Variants in ATAD1 observed in about 807,000 individuals in gnomAD.
ATAD1 encodes outer mitochondrial transmembrane helix translocase.
A neutral mutation model predicts 42.7 loss-of-function variants in ATAD1; 18 were observed. That is an observed-to-expected ratio of 0.42 (90% CI 0.29 to 0.63). The LOEUF is 0.63. Among genes scored for constraint, ATAD1 ranks in the 20% least tolerant of loss-of-function variants. The probability of loss-of-function intolerance (pLI) is 0.19; values close to 1 mark genes in which losing one functional copy is unlikely to be tolerated. For missense variants in ATAD1, 294 were observed against 440.4 expected, an observed-to-expected ratio of 0.67 and a Z score of 2.98; for synonymous variants, 132 against 143.1, an observed-to-expected ratio of 0.92 and a Z score of 0.55.
intron 2 of ATAD1, among the ~76,000 whole-genome samples, chr10:87,806,322 A>G (rs1164307880): frequency 6.6e-6 from 1 of 152,014 alleles, no homozygotes; most frequent in South Asian, 2.1e-4. Context: ...ATAACTAGGT[A>G]GATAAAATAA....
chr10:87,757,577 A>G (rs1467541807), intron 8 of ATAD1, among the ~76,000 whole-genome samples: 1 of 152,200 alleles, frequency 6.6e-6, no homozygotes, highest in Admixed American at 6.5e-5. Flanking sequence ...TAATCTTCTC[A>G]GAAACTATCA....
At chr10:87,816,864 G>A (rs568408137) in intron 1 of ATAD1, among the ~76,000 whole-genome samples, 1 of 152,288 alleles carries the variant, frequency 6.6e-6, no homozygotes, top group African/African-American at 2.4e-5. Context: ...TGGCATTCCA[G>A]TAAAACGTTT....
At chr10:87,819,865 G>A (rs1482043187), upstream of ATAD1, among the ~76,000 whole-genome samples, 1 of 152,148 alleles carries the variant, frequency 6.6e-6, no homozygotes, top group Admixed American at 6.5e-5. Flanking sequence ...GGATGAAAGG[G>A]ATGCATGAAT....
intron 2 of ATAD1, among the ~76,000 whole-genome samples, chr10:87,812,247 A>G (rs978842321): frequency 1.1e-4 from 16 of 152,294 alleles, no homozygotes; most frequent in East Asian, 9.6e-4. Context: ...TTAAGCCTAC[A>G]GAAGTCTTCA....
chr10:87,778,565 A>G (rs1405596394), intron 5 of ATAD1, among the ~76,000 whole-genome samples: 1 of 152,182 alleles, frequency 6.6e-6, no homozygotes, highest in African/African-American at 2.4e-5. Flanking sequence ...TATTTTACAT[A>G]ATTTTGTGCA....
At chr10:87,805,194 T>G (rs1856867830) in intron 2 of ATAD1, among the ~76,000 whole-genome samples, 1 of 152,192 alleles carries the variant, frequency 6.6e-6, no homozygotes, top group East Asian at 1.9e-4. Flanking sequence ...CACACCTTCC[T>G]CCTCCCACAT....
chr10:87,829,971 C>G (rs1857799385), intron 1 of ATAD1, among the ~76,000 whole-genome samples: 1 of 152,148 alleles, frequency 6.6e-6, no homozygotes, highest in South Asian at 2.1e-4. Flanking sequence ...AAAATGCTAT[C>G]AAACAGCATC....
intron 9 of ATAD1, 113 bp from the exon 10 acceptor site, chr10:87,754,920 C>CA: frequency 7.7e-7 from 1 of 1,302,710 alleles, no homozygotes; most frequent in African/African-American, 1.5e-5. Flanking sequence ...ATTTTGTTTT[C>CA]AACTGTAGAA....
At chr10:87,774,150 T>C (rs746438936) in intron 6 of ATAD1, among the ~76,000 whole-genome samples, 1 of 152,204 alleles carries the variant, frequency 6.6e-6, no homozygotes, top group Non-Finnish European at 1.5e-5. Flanking sequence ...CTTATGCTAA[T>C]GCGGTGGGCT....
rs117052490 is a variant in ATAD1 at position 87,786,924 on chromosome 10, C to T, written c.383-2254G>A. On this transcript the variant is annotated intron_variant, in intron 4 of 9. Transcript: ENST00000680024. ...GAGCCGAGATTGCGCCATTGCACTC[C>T]AGGGTGGGCAACAGGGCGAGACTCC... Among the ~76,000 whole-genome samples the T allele has an allele frequency of 3.3e-3, 493 of 151,462 alleles. 23 individuals are homozygous for T. In the East Asian group the frequency reaches 0.081, roughly 25 times the overall value.
In ATAD1 at chr10:87,790,289, G is replaced by A. The variant is rs3736057; in HGVS notation, c.382+21C>T. ...TTTCTAGGATTTTAATGCTTTAGGCGAATATATACCTTTACCATACCTTTT... is the reference window on the plus strand; with the variant it reads ...TTTCTAGGATTTTAATGCTTTAGGCAAATATATACCTTTACCATACCTTTT... On this transcript the variant is annotated intron_variant, in intron 4 of 9. Transcript: ENST00000680024. 8.1e-6 allele frequency: 13 copies of A among 1,598,264 alleles called. No individual in the cohort carries two copies. In the East Asian group the frequency reaches 1.1e-4, roughly 14 times the overall value.
intron 8 of ATAD1, chr10:87,759,658 T>G (rs1292823700): frequency 7.9e-6 from 3 of 379,934 alleles, no homozygotes; most frequent in Non-Finnish European, 1.6e-5. Context: ...AAAAGAAGAT[T>G]CCAGTCACTG....
chr10:87,812,820 T>G (rs1019435758), intron 2 of ATAD1, among the ~76,000 whole-genome samples: 1 of 152,170 alleles, frequency 6.6e-6, no homozygotes, highest in African/African-American at 2.4e-5. Flanking sequence ...AAGGAAAAAG[T>G]AATGCATTCT....
intron 2 of ATAD1, among the ~76,000 whole-genome samples, chr10:87,807,092 A>G (rs752104074): frequency 3.9e-5 from 6 of 152,168 alleles, no homozygotes; most frequent in African/African-American, 7.2e-5. Context: ...TGCTTGATAC[A>G]TGTTAATAAA....
intron 1 of ATAD1, among the ~76,000 whole-genome samples, chr10:87,840,939 AG>A (rs1858021445): frequency 1.3e-5 from 2 of 152,186 alleles, no homozygotes; most frequent in African/African-American, 2.4e-5. Context: ...TAATTGAAAA[AG>A]TATGTAGTCT....
In ATAD1 at chr10:87,814,425, A is replaced by G; in HGVS notation, c.162+13T>C. On this transcript the variant is annotated intron_variant, in intron 2 of 9. Transcript: ENST00000680024. Reference sequence around the variant, plus strand: ...GCCACAAGAAAAATGATCTTCAAACATTTCAATCATACCTGTTTCTGAGCT... The same window carrying G: ...GCCACAAGAAAAATGATCTTCAAACGTTTCAATCATACCTGTTTCTGAGCT... 1 of 1,564,394 alleles carries G rather than the reference A, an allele frequency of 6.4e-7. No individual in the cohort carries two copies. The highest frequency in any genetic ancestry group is 8.6e-7 in the Non-Finnish European group (1 of 1,157,826).
At chr10:87,801,924 T>C (rs1420116171) in intron 2 of ATAD1, among the ~76,000 whole-genome samples, 3 of 152,348 alleles carry the variant, frequency 2.0e-5, no homozygotes, top group East Asian at 1.9e-4. Context: ...ACTGAAGTTA[T>C]CTTTTTGACT....
intron 2 of ATAD1, among the ~76,000 whole-genome samples, chr10:87,798,579 T>C (rs1015629547): frequency 6.8e-6 from 1 of 146,954 alleles, no homozygotes; most frequent in Non-Finnish European, 1.5e-5. Flanking sequence ...AGCCAGTGAA[T>C]TTGTATTTAT....
chr10:87,792,756 C>T lies in ATAD1; in HGVS notation c.163-1G>A. On this transcript the variant is annotated splice_acceptor_variant, in intron 2 of 9. Transcript: ENST00000680024. LOFTEE classifies it high-confidence loss of function. ...CAATTTGCTTCATTAGTTTTTCTGC[C>T]TAGAATGAAAAGAACAAACAACCTG... The T allele has an allele frequency of 6.2e-7, 1 of 1,612,130 alleles. No individual in the cohort carries two copies.
Sources: gnomAD v4.1 joint callset for allele counts (sites outside exome capture counted in the v4.1 genomes callset) on GRCh38, gnomAD v4.1.1 for gene constraint, MANE v1.5 for transcripts, NCBI Gene and HGNC (gene_info 2026-07-23, HGNC 2026-07-21) for gene names.